NTRK2: variants seen among roughly 807,000 people sequenced by gnomAD.
NTRK2 encodes the protein BDNF/NT-3 growth factors receptor.
NTRK2 carries 13 observed loss-of-function variants against 94.5 expected under a neutral mutation model. The observed-to-expected ratio is 0.14, with a 90% confidence interval of 0.09 to 0.22. NTRK2 has a LOEUF of 0.22. Ranked by LOEUF, NTRK2 falls within the 10% of genes least tolerant of loss-of-function variation. The pLI, the probability that NTRK2 is intolerant of heterozygous loss-of-function variation, is 1.00. For missense variants in NTRK2, 639 were observed against 1,071.2 expected, an observed-to-expected ratio of 0.60 and a Z score of 5.63; for synonymous variants, 372 against 407.4, an observed-to-expected ratio of 0.91 and a Z score of 1.05.
intron 16 of NTRK2, 101 bp from the exon 17 acceptor site, chr9:84,955,182 G>T: frequency 1.1e-6 from 1 of 926,702 alleles, no homozygotes; most frequent in Non-Finnish European, 1.7e-6. Context: ...ACAGGGTGGG[G>T]GTGAGGAGCT....
chr9:84,945,023 C>A (rs532852425), intron 15 of NTRK2, among the ~76,000 whole-genome samples: 69 of 152,260 alleles, frequency 4.5e-4, no homozygotes, highest in African/African-American at 1.4e-3. Flanking sequence ...AAGCTAGAAC[C>A]CCTTCCGTTT....
At position 84,710,643 on chromosome 9, in the gene NTRK2, G is replaced by A. The variant is rs745342674; in HGVS notation, c.435G>A (p.Leu145=). ...FRHLDLSELI[L]VGNPFTCSCD... is the part of the protein sequence containing the mutation. ...TCATTTTTGTTCCCTGTAGGATCCT[G>A]GTGGGCAATCCATTTACATGCTCCT... The change falls in exon 6 of 19, where the codon CTG becomes CTA. Residue 145 remains leucine (L), a synonymous_variant. Transcript: ENST00000277120. The A allele has an allele frequency of 1.1e-5, 17 of 1,613,974 alleles. No individual in the cohort carries two copies. The highest frequency in any genetic ancestry group is 3.3e-5 in the Admixed American group (2 of 59,992).
intron 12 of NTRK2, among the ~76,000 whole-genome samples, chr9:84,797,286 T>C (rs2069447680): frequency 6.6e-6 from 1 of 151,750 alleles, no homozygotes; most frequent in Non-Finnish European, 1.5e-5. Context: ...TCACATGTTG[T>C]CTATGTTGCT....
intron 12 of NTRK2, among the ~76,000 whole-genome samples, chr9:84,834,393 G>A (rs2073749377): frequency 1.3e-5 from 2 of 152,256 alleles, no homozygotes; most frequent in South Asian, 2.1e-4. Context: ...AGGTCTCCAG[G>A]ATTGCTGTGC....
chr9:84,966,132 A>C (rs766798173), intron 17 of NTRK2, among the ~76,000 whole-genome samples: 1 of 152,194 alleles, frequency 6.6e-6, no homozygotes, highest in Non-Finnish European at 1.5e-5. Context: ...GAGAATTATC[A>C]AACATAAAAT....
chr9:85,011,208 C>T (rs778790270), intron 17 of NTRK2, among the ~76,000 whole-genome samples: 3 of 151,784 alleles, frequency 2.0e-5, no homozygotes, highest in East Asian at 1.9e-4. Flanking sequence ...GGGAAGGGAG[C>T]GGTAGGGTTG....
intron 8 of NTRK2, among the ~76,000 whole-genome samples, chr9:84,726,552 G>C (rs868761344): frequency 6.6e-6 from 1 of 152,178 alleles, no homozygotes; most frequent in Non-Finnish European, 1.5e-5. Context: ...CCCACTCAGA[G>C]GGTTTGTCTG....
At position 84,857,867 on chromosome 9, in the gene NTRK2, C is replaced by G. The variant is rs142781234; in HGVS notation, c.1397-3173C>G. ...TAGAATTTTGATACGAAGCCTGTGT[C>G]TTGAGCTTCAGACCATCCTGCCAAC... On this transcript the variant is annotated intron_variant, in intron 12 of 18. Transcript: ENST00000277120. Among the ~76,000 whole-genome samples, 9 of 152,218 alleles carry G rather than the reference C, an allele frequency of 5.9e-5. No homozygotes were observed. In the East Asian group the frequency reaches 1.7e-3, roughly 29 times the overall value.
intron 15 of NTRK2, among the ~76,000 whole-genome samples, chr9:84,934,838 A>C (rs2078161424): frequency 6.6e-6 from 1 of 152,158 alleles, no homozygotes; most frequent in African/African-American, 2.4e-5. Context: ...TCTCCTGTGG[A>C]ATTCACCACC....
intron 17 of NTRK2, among the ~76,000 whole-genome samples, chr9:84,973,975 T>C (rs1370448755): frequency 5.2e-5 from 5 of 96,848 alleles, no homozygotes; most frequent in Non-Finnish European, 6.5e-5. Context: ...CGACTGTTTA[T>C]GTTTAACCCC....
At chr9:84,926,470 G>A (rs1587955209) in intron 14 of NTRK2, among the ~76,000 whole-genome samples, 2 of 152,120 alleles carry the variant, frequency 1.3e-5, no homozygotes, top group East Asian at 3.9e-4. Flanking sequence ...GACCTCAGGT[G>A]ATCTGCCCTC....
chr9:84,703,919 G>A (rs1475199187), intron 4 of NTRK2, among the ~76,000 whole-genome samples: 4 of 152,156 alleles, frequency 2.6e-5, no homozygotes, highest in Non-Finnish European at 5.9e-5. Flanking sequence ...GAAGAAAAAG[G>A]CAAAATGCTC....
At chr9:84,749,663 C>T (rs2064411384) in intron 11 of NTRK2, among the ~76,000 whole-genome samples, 1 of 152,128 alleles carries the variant, frequency 6.6e-6, no homozygotes, top group Non-Finnish European at 1.5e-5. Context: ...AAACCCATTA[C>T]CTGCATTAAC....
At chr9:84,810,945 T>G in intron 12 of NTRK2, 1 of 1,145,636 alleles carries the variant, frequency 8.7e-7, no homozygotes, top group African/African-American at 1.6e-5. Flanking sequence ...ATTTATTGAC[T>G]TAATTGCTTC....
intron 15 of NTRK2, among the ~76,000 whole-genome samples, chr9:84,941,869 A>G (rs994888489): frequency 6.6e-6 from 1 of 152,202 alleles, no homozygotes; most frequent in Non-Finnish European, 1.5e-5. Context: ...TATCCACCAT[A>G]TTATTGCAAA....
chr9:84,863,224 C>T (rs868856712), intron 13 of NTRK2, among the ~76,000 whole-genome samples: 3 of 152,212 alleles, frequency 2.0e-5, no homozygotes, highest in East Asian at 1.9e-4. Flanking sequence ...AGATGAACTT[C>T]GTGATTCTTA....
At chr9:84,885,857 C>T (rs10465181) in intron 14 of NTRK2, among the ~76,000 whole-genome samples, 68,997 of 151,710 alleles carry the variant, frequency 0.45, 17,909 homozygotes, top group South Asian at 0.6. Flanking sequence ...CATGGTGAAA[C>T]CCCCTCTCTA....
chr9:84,780,554 A>G (rs1221868134), intron 12 of NTRK2, among the ~76,000 whole-genome samples: 7 of 151,646 alleles, frequency 4.6e-5, no homozygotes, highest in Non-Finnish European at 1.0e-4. Flanking sequence ...CAGATGCACA[A>G]GCAGTGAGAT....
chr9:84,685,163 A>T (rs988687637), intron 2 of NTRK2, among the ~76,000 whole-genome samples: 23 of 149,168 alleles, frequency 1.5e-4, no homozygotes, highest in Non-Finnish European at 2.7e-4. Flanking sequence ...TTGTTTTATT[A>T]TTTTTTTTTT....
Sources: gnomAD v4.1 joint callset for allele counts (sites outside exome capture counted in the v4.1 genomes callset) on GRCh38, gnomAD v4.1.1 for gene constraint, MANE v1.5 for transcripts, NCBI Gene and HGNC (gene_info 2026-07-23, HGNC 2026-07-21) for gene names.